The following RMND5A variants were observed in gnomAD, a reference collection of about 807,000 sequenced individuals.
RMND5A encodes E3 ubiquitin-protein transferase RMND5A.
In RMND5A, 17 loss-of-function variants were observed where a neutral mutation model predicts 49.7. That is an observed-to-expected ratio of 0.34 (90% CI 0.23 to 0.51). The LOEUF (loss-of-function observed/expected upper bound fraction) is 0.51. Ranked by LOEUF, RMND5A falls within the 20% of genes least tolerant of loss-of-function variation. RMND5A has a pLI of 0.96. For missense variants in RMND5A, 255 were observed against 471.3 expected, an observed-to-expected ratio of 0.54 and a Z score of 4.25; for synonymous variants, 156 against 167.7, an observed-to-expected ratio of 0.93 and a Z score of 0.54.
At chr2:86,749,616 C>T (rs573268505) in intron 2 of RMND5A, among the ~76,000 whole-genome samples, 82 of 152,234 alleles carry the variant, frequency 5.4e-4, no homozygotes, top group African/African-American at 1.9e-3. Flanking sequence ...TCTTGAACTC[C>T]TGACTTCAGG....
At chr2:86,746,444 T>G (rs1386807818) in intron 2 of RMND5A, among the ~76,000 whole-genome samples, 3 of 152,228 alleles carry the variant, frequency 2.0e-5, no homozygotes, top group Non-Finnish European at 4.4e-5. Flanking sequence ...GGATGGATAC[T>G]CATAGAGGTT....
Position 86,773,576 on chromosome 2 carries a change from T to A in RMND5A, c.*165T>A. The A allele has an allele frequency of 2.1e-6, 1 of 476,744 alleles. No homozygotes were observed. Among genetic ancestry groups the A allele is most frequent in the South Asian group, 4.4e-5 (1 of 22,970 alleles). The allele number at this position is 476,744 out of a possible 1,614,324, so 29.5% of individuals were successfully genotyped here. On this transcript the variant is annotated 3_prime_UTR_variant, in exon 9 of 9. Coordinates refer to ENST00000283632, the MANE Select transcript of RMND5A (RefSeq NM_022780.4). The stretch of plus-strand genomic sequence containing the variant: ...AGTGTACACACACTGAGGGGAGTGC[T>A]CCCGGTGAATATTATCATAGGGCTT...
chr2:86,747,396 A>G (rs1476284757), intron 2 of RMND5A, among the ~76,000 whole-genome samples: 3 of 152,170 alleles, frequency 2.0e-5, no homozygotes, highest in African/African-American at 4.8e-5. Flanking sequence ...ACTCTTCTGA[A>G]TACTAATCTT....
In RMND5A at chr2:86,765,001, T is replaced by TA. The variant is rs747361597; in HGVS notation, c.522-23dup. On this transcript the variant is annotated intron_variant, in intron 4 of 8. Transcript: ENST00000283632. Reference sequence around the variant, plus strand: ...ACACCTTGCTTATGCTTTTGATTCTTAAAGTCTTTTTTGCCTTTTCTTTAG... The same window carrying TA: ...ACACCTTGCTTATGCTTTTGATTCTTAAAAGTCTTTTTTGCCTTTTCTTTAG... The TA allele has an allele frequency of 1.5e-5, 24 of 1,579,572 alleles. 1 individual carries two copies. The South Asian group carries it at 2.5e-4, about 16-fold the overall frequency.
intron 2 of RMND5A, among the ~76,000 whole-genome samples, chr2:86,746,918 G>A (rs1418026277): frequency 6.6e-6 from 1 of 152,212 alleles, no homozygotes; most frequent in Non-Finnish European, 1.5e-5. Flanking sequence ...ACCGTAAGGA[G>A]AATATGGAAT....
chr2:86,757,128 C>T (rs573362001), intron 4 of RMND5A, among the ~76,000 whole-genome samples: 91 of 143,706 alleles, frequency 6.3e-4, no homozygotes, highest in Middle Eastern at 3.8e-3. Flanking sequence ...GAGCCAAGAT[C>T]GCGCCACTGC....
In RMND5A at chr2:86,747,936, G is replaced by A. The variant is rs79212595; in HGVS notation, c.286-3960G>A. On this transcript the variant is annotated intron_variant, in intron 2 of 8. Coordinates refer to ENST00000283632, the MANE Select transcript of RMND5A (RefSeq NM_022780.4). ...CCTTCCAAGTCAGAACATCCTCTCCGGATGGACACACCCTTGGATGTGTGC... is the reference window on the plus strand; with the variant it reads ...CCTTCCAAGTCAGAACATCCTCTCCAGATGGACACACCCTTGGATGTGTGC... Among the ~76,000 whole-genome samples, 413 of 152,218 alleles carry A rather than the reference G, an allele frequency of 2.7e-3. 1 individual carries two copies. Among genetic ancestry groups the A allele is most frequent in the African/African-American group, 9.6e-3 (397 of 41,530 alleles).
At chr2:86,720,871 C>G (rs1397477935) in intron 1 of RMND5A, 62 bp downstream of exon 1, 17 of 1,455,596 alleles carry the variant, frequency 1.2e-5, no homozygotes, top group Non-Finnish European at 5.5e-6. Flanking sequence ...GTCCCGGCCC[C>G]GCGGCGGGAA....
intron 6 of RMND5A, among the ~76,000 whole-genome samples, chr2:86,767,811 G>A (rs914241853): frequency 3.9e-5 from 6 of 152,172 alleles, no homozygotes; most frequent in Non-Finnish European, 8.8e-5. Flanking sequence ...GTCAGTTTTC[G>A]TGTGGTATTA....
At chr2:86,763,331 G>A (rs1165606037) in intron 4 of RMND5A, among the ~76,000 whole-genome samples, 2 of 152,104 alleles carry the variant, frequency 1.3e-5, no homozygotes, top group Non-Finnish European at 2.9e-5. Flanking sequence ...TATGATTGAA[G>A]GGGTGTATAA....
At chr2:86,755,350 C>G (rs1177843295) in intron 4 of RMND5A, among the ~76,000 whole-genome samples, 1 of 152,236 alleles carries the variant, frequency 6.6e-6, no homozygotes, top group Non-Finnish European at 1.5e-5. Flanking sequence ...AACTTCTGGC[C>G]TCAAGTGATC....
At chr2:86,751,151 G>T (rs534439563) in intron 2 of RMND5A, among the ~76,000 whole-genome samples, 2 of 152,106 alleles carry the variant, frequency 1.3e-5, no homozygotes, top group African/African-American at 4.8e-5. Context: ...GAGAGTGTTG[G>T]TATTTTTGTT....
At chr2:86,751,685 A>T (rs1681635239) in intron 2 of RMND5A, among the ~76,000 whole-genome samples, 1 of 152,174 alleles carries the variant, frequency 6.6e-6, no homozygotes. Context: ...AATCTACTTT[A>T]AAAAAACATT....
chr2:86,749,731 A>T (rs1276229870), intron 2 of RMND5A, among the ~76,000 whole-genome samples: 1 of 152,156 alleles, frequency 6.6e-6, no homozygotes, highest in Non-Finnish European at 1.5e-5. Flanking sequence ...GCTAAGAAAA[A>T]TGTCTGTGAA....
At chr2:86,772,957 G>T (rs1477282660) in intron 8 of RMND5A, among the ~76,000 whole-genome samples, 1 of 152,154 alleles carries the variant, frequency 6.6e-6, no homozygotes, top group Non-Finnish European at 1.5e-5. Context: ...GTGTGGGCTT[G>T]TAGCTGCCAT....
At chr2:86,764,902 T>C (rs1427428812) in intron 4 of RMND5A, 125 bp from the exon 5 acceptor site, 2 of 830,728 alleles carry the variant, frequency 2.4e-6, no homozygotes, top group African/African-American at 3.5e-5. Flanking sequence ...TAGGGATTGA[T>C]GTTACCATAG....
intron 6 of RMND5A, 45 bp downstream of exon 6, chr2:86,766,069 A>G: frequency 6.7e-7 from 1 of 1,499,148 alleles, no homozygotes; most frequent in South Asian, 1.3e-5. Flanking sequence ...GCACTGCATT[A>G]TCACCTTCCC....
chr2:86,770,970 C>T (rs910871552), intron 7 of RMND5A, among the ~76,000 whole-genome samples: 1 of 152,104 alleles, frequency 6.6e-6, no homozygotes, highest in South Asian at 2.1e-4. Flanking sequence ...CGTTTTATAC[C>T]ACACCTGTAC....
chr2:86,771,363 G>A (rs1672682610), intron 7 of RMND5A, 195 bp from the exon 8 acceptor site: 4 of 481,540 alleles, frequency 8.3e-6, no homozygotes, highest in Non-Finnish European at 1.1e-5. Flanking sequence ...CAGCTTTCTT[G>A]AAAATAATCT....
Sources: gnomAD v4.1 joint callset for allele counts (sites outside exome capture counted in the v4.1 genomes callset) on GRCh38, gnomAD v4.1.1 for gene constraint, MANE v1.5 for transcripts, NCBI Gene and HGNC (gene_info 2026-07-23, HGNC 2026-07-21) for gene names.